Variants in GTF2H4 observed in about 807,000 individuals in gnomAD.
GTF2H4 encodes BTF2 p52.
GTF2H4 carries 49 observed loss-of-function variants against 62.2 expected under a neutral mutation model. That is an observed-to-expected ratio of 0.79 (90% confidence interval 0.63 to 1.00). GTF2H4 has a LOEUF of 1.00. GTF2H4 is among the 50% of genes least tolerant of loss of function. The pLI is 0.00. For synonymous variants in GTF2H4, 189 were observed against 233.8 expected (o/e 0.81, Z 1.75); for missense variants, 479 against 587.8 (o/e 0.81, Z 1.91).
intron 1 of GTF2H4, among the ~76,000 whole-genome samples, chr6:30,908,824 T>A (rs1388808335): frequency 1.3e-5 from 2 of 151,438 alleles, no homozygotes; most frequent in Non-Finnish European, 2.9e-5. Context: ...AAGACTGGAG[T>A]TGAAGGGCAG....
chr6:30,913,981 T>G lies in GTF2H4; in HGVS notation c.1387T>G (p.Ter463GlyextTer38). The change falls in exon 14 of 14, where the codon TGA becomes GGA. Residue 463 changes from the stop codon to glycine, a stop_lost. Coordinates refer to ENST00000259895, the MANE Select transcript of GTF2H4 (RefSeq NM_001517.5). The surrounding 1 kb of genome is among the most constrained non-coding windows in gnomAD (Gnocchi z 4.2). ...RFWKRQKHSS[*>G] Reference sequence around the variant, plus strand: ...TTGGAAGCGGCAGAAACATAGCTCCTGAGAGCGCGGGACTTGGACACGGAC... The same window carrying G: ...TTGGAAGCGGCAGAAACATAGCTCCGGAGAGCGCGGGACTTGGACACGGAC... 1 of 1,583,526 alleles carries G rather than the reference T, an allele frequency of 6.3e-7. No individual in the cohort carries two copies. Among genetic ancestry groups the G allele is most frequent in the Admixed American group, 1.8e-5 (1 of 57,062 alleles).
chr6:30,913,704 G>T lies in GTF2H4; in HGVS notation c.1217-107G>T. 2 of 1,129,166 alleles carry T rather than the reference G, an allele frequency of 1.8e-6. No individual in the cohort carries two copies. Among genetic ancestry groups the T allele is most frequent in the South Asian group, 3.3e-5 (2 of 60,676 alleles). 69.9% of individuals were successfully genotyped at this position (1,129,166 alleles called of 1,614,324 possible). ...TAAAATTGCGGTGGGGGCAAGCCCAGACCGCGTCCAGGGCTGCCACCAAGG... is the reference window on the plus strand; with the variant it reads ...TAAAATTGCGGTGGGGGCAAGCCCATACCGCGTCCAGGGCTGCCACCAAGG... On this transcript the variant is annotated intron_variant, in intron 13 of 13. Coordinates refer to ENST00000259895, the MANE Select transcript of GTF2H4 (RefSeq NM_001517.5). This position sits in a 1 kb window ranked among gnomAD's most constrained non-coding sequence, Gnocchi z 4.2.
In GTF2H4 at chr6:30,914,022, T is replaced by TGGGGGGGGGGGAGG; in HGVS notation, c.*42_*43insGGGGGGGGAGGGGG. ...GGACACGGACCTCGGCGGGCGGGAC[T>TGGGGGGGGGGGAGG]GGGCGGGGCGGGGCATCAGAACTCA... On this transcript the variant is annotated 3_prime_UTR_variant, in exon 14 of 14. Transcript: ENST00000259895. 3 of 698,318 alleles carry TGGGGGGGGGGGAGG rather than the reference T, an allele frequency of 4.3e-6. No homozygotes were observed. Among genetic ancestry groups the TGGGGGGGGGGGAGG allele is most frequent in the Non-Finnish European group, 7.3e-6 (3 of 411,606 alleles). The allele number at this position is 698,318 out of a possible 1,614,324, so 43.3% of individuals were successfully genotyped here.
intron 1 of GTF2H4, 63 bp from the exon 2 acceptor site, chr6:30,908,971 A>G (rs1793652255): frequency 6.3e-7 from 1 of 1,592,636 alleles, no homozygotes; most frequent in Non-Finnish European, 8.6e-7. Flanking sequence ...AATCAGTTAG[A>G]AAGGTCAGGG....
At position 30,909,816 on chromosome 6, in the gene GTF2H4, C is replaced by A; in HGVS notation, c.243-116C>A. The stretch of plus-strand genomic sequence containing the variant: ...TTGTCTTAGGAAGATACTAATTTCA[C>A]TCTGTGGAACAGTGTTCCAAGGGTC... On this transcript the variant is annotated intron_variant, in intron 3 of 13. Coordinates refer to ENST00000259895, the MANE Select transcript of GTF2H4 (RefSeq NM_001517.5). This position sits in a 1 kb window ranked among gnomAD's most constrained non-coding sequence, Gnocchi z 4.3. 1 of 986,462 alleles carries A rather than the reference C, an allele frequency of 1.0e-6. No individual in the cohort carries two copies. 61.1% of individuals were successfully genotyped at this position (986,462 alleles called of 1,614,324 possible). A position where few individuals can be genotyped will look rare whatever the true frequency, so the allele number is the denominator to read the frequency against.
At position 30,911,955 on chromosome 6, in the gene GTF2H4, C is replaced by A; in HGVS notation, c.826-59C>A. ...CTTGGGAGGGATCTGATATTTCAGG[C>A]AGGAAGATGTAAGGCAGTGACTTCT... On this transcript the variant is annotated intron_variant, in intron 9 of 13. Coordinates refer to ENST00000259895, the MANE Select transcript of GTF2H4 (RefSeq NM_001517.5). The surrounding 1 kb of genome is among the most constrained non-coding windows in gnomAD (Gnocchi z 4.3). 4 of 1,586,900 alleles carry A rather than the reference C, an allele frequency of 2.5e-6. No homozygotes were observed. The highest frequency in any genetic ancestry group is 1.1e-5 in the South Asian group (1 of 88,986).
Position 30,909,083 on chromosome 6 carries a change from G to A in GTF2H4, c.47G>A (p.Cys16Tyr). Residue 16 changes from cysteine (C) to tyrosine (Y), a missense_variant, in exon 2 of 14, where the codon TGC (cysteine) becomes TAC (tyrosine). Cys to Tyr is a radical substitution (Grantham distance 194). Transcript: ENST00000259895. The surrounding 1 kb of genome is among the most constrained non-coding windows in gnomAD (Gnocchi z 4.3). ...SRGLNRVHLQ[C>Y]RNLQEFLGGL... ...GGACTGAACCGAGTACACCTACAATGCAGGAATCTGCAGGAATTCTTAGGG... is the reference window on the plus strand; with the variant it reads ...GGACTGAACCGAGTACACCTACAATACAGGAATCTGCAGGAATTCTTAGGG... 6 of 1,614,144 alleles carry A rather than the reference G, an allele frequency of 3.7e-6. No homozygotes were observed. The highest frequency in any genetic ancestry group is 5.1e-6 in the Non-Finnish European group (6 of 1,180,006).
chr6:30,913,841 T>C lies in GTF2H4; in HGVS notation c.1247T>C (p.Val416Ala). 6.2e-7 allele frequency: 1 copy of C among 1,601,932 alleles called. No individual in the cohort carries two copies. ...CTGTATAACCAGTTCCTGTCGCAAG[T>C]GGACTTTGAGCTGCTGCTGGCCCAC... ...GVLYNQFLSQ[V>A]DFELLLAHAR... is the part of the protein sequence containing the mutation. The change falls in exon 14 of 14, where the codon GTG becomes GCG. Residue 416 changes from valine (V) to alanine (A), a missense_variant. Val to Ala is a moderately conservative substitution (Grantham distance 64, BLOSUM62 0). Transcript: ENST00000259895. This position sits in a 1 kb window ranked among gnomAD's most constrained non-coding sequence, Gnocchi z 4.2.
Position 30,912,106 on chromosome 6 carries a change from C to T in GTF2H4, c.918C>T (p.Phe306=). Residue 306 remains phenylalanine, a synonymous_variant, in exon 10 of 14, where the codon TTC becomes TTT. Coordinates refer to ENST00000259895, the MANE Select transcript of GTF2H4 (RefSeq NM_001517.5). The surrounding 1 kb of genome is among the most constrained non-coding windows in gnomAD (Gnocchi z 4.8). The part of the protein sequence containing the change: ...GAGGTVHQPG[F]IVVETNYRLY... ...GGGGCACTGTGCATCAGCCAGGTTT[C>T]ATTGTCGTGGAAACCAATTACCGAC... 1 of 1,612,900 alleles carries T rather than the reference C, an allele frequency of 6.2e-7. No homozygotes were observed. Among genetic ancestry groups the T allele is most frequent in the Non-Finnish European group, 8.5e-7 (1 of 1,179,994 alleles).
chr6:30,913,302 C>G lies in GTF2H4; in HGVS notation c.1138-7C>G. On this transcript the variant is annotated splice_polypyrimidine_tract_variant and splice_region_variant and intron_variant, in intron 12 of 13. Transcript: ENST00000259895. The surrounding 1 kb of genome is among the most constrained non-coding windows in gnomAD (Gnocchi z 4.2). ...GAGTCCCTACAGTCAACCCTTGCTCCTTGCAGACACCTGTGCTGCCCCCCA... is the reference window on the plus strand; with the variant it reads ...GAGTCCCTACAGTCAACCCTTGCTCGTTGCAGACACCTGTGCTGCCCCCCA... 6.2e-7 allele frequency: 1 copy of G among 1,613,910 alleles called. No homozygotes were observed. The highest frequency in any genetic ancestry group is 8.5e-7 in the Non-Finnish European group (1 of 1,179,994).
In GTF2H4 at chr6:30,909,359, T is replaced by G; in HGVS notation, c.138-76T>G. On this transcript the variant is annotated intron_variant, in intron 2 of 13. Transcript: ENST00000259895. This position sits in a 1 kb window ranked among gnomAD's most constrained non-coding sequence, Gnocchi z 4.3. ...TTGTGCTGGAGTGAGATGAGATGTT[T>G]GAGAGGTAATTGAGGGCAGAGATGC... The G allele has an allele frequency of 8.1e-7, 1 of 1,241,692 alleles. No individual in the cohort carries two copies. The highest frequency in any genetic ancestry group is 1.2e-6 in the Non-Finnish European group (1 of 854,130). The allele number at this position is 1,241,692 out of a possible 1,614,324, so 76.9% of individuals were successfully genotyped here.
Position 30,910,632 on chromosome 6 carries a change from G to C in GTF2H4, c.375-33G>C. The C allele has an allele frequency of 6.5e-7, 1 of 1,526,962 alleles. No individual in the cohort carries two copies. Among genetic ancestry groups the C allele is most frequent in the South Asian group, 1.1e-5 (1 of 89,188 alleles). 94.6% of individuals were successfully genotyped at this position (1,526,962 alleles called of 1,614,324 possible). On this transcript the variant is annotated intron_variant, in intron 4 of 13. Coordinates refer to ENST00000259895, the MANE Select transcript of GTF2H4 (RefSeq NM_001517.5). The surrounding 1 kb of genome is among the most constrained non-coding windows in gnomAD (Gnocchi z 4.7). ...AGGTGTGAGCCACTGCGCCTGGCCA[G>C]GGTTCCTTACTCTTGGCCCATCCTG...
rs1793917964 is a variant in GTF2H4 at position 30,913,705 on chromosome 6, ACCGCGTCC to A, written c.1217-105_1217-98del. ...AAAATTGCGGTGGGGGCAAGCCCAG[ACCGCGTCC>A]AGGGCTGCCACCAAGGAGCTGGGGG... is the stretch of plus-strand genomic sequence containing the variant. On this transcript the variant is annotated intron_variant, in intron 13 of 13. Coordinates refer to ENST00000259895, the MANE Select transcript of GTF2H4 (RefSeq NM_001517.5). The surrounding 1 kb of genome is among the most constrained non-coding windows in gnomAD (Gnocchi z 4.2). 24 of 1,126,910 alleles carry A rather than the reference ACCGCGTCC, an allele frequency of 2.1e-5. No homozygotes were observed. Among genetic ancestry groups the A allele is most frequent in the Admixed American group, 3.0e-5 (1 of 33,258 alleles). 69.8% of individuals were successfully genotyped at this position (1,126,910 alleles called of 1,614,324 possible). A position where few individuals can be genotyped will look rare whatever the true frequency, so the allele number is the denominator to read the frequency against.
In GTF2H4 at chr6:30,913,004, T is replaced by C. The variant is rs1174190401; in HGVS notation, c.1090-106T>C. 5.4e-6 allele frequency: 6 copies of C among 1,112,312 alleles called. No homozygotes were observed. The highest frequency in any genetic ancestry group is 4.1e-5 in the South Asian group (3 of 72,928). 68.9% of individuals were successfully genotyped at this position (1,112,312 alleles called of 1,614,324 possible). A position where few individuals can be genotyped will look rare whatever the true frequency, so the allele number is the denominator to read the frequency against. On this transcript the variant is annotated intron_variant, in intron 11 of 13. Coordinates refer to ENST00000259895, the MANE Select transcript of GTF2H4 (RefSeq NM_001517.5). This position sits in a 1 kb window ranked among gnomAD's most constrained non-coding sequence, Gnocchi z 4.2. ...TGGGTGGAGTTGATGACAGGAGTTA[T>C]GAGTTTTTAGAATAAGCTGATGTTC...
chr6:30,913,507 G>A lies in GTF2H4; in HGVS notation c.1216+120G>A. The A allele has an allele frequency of 1.7e-6, 2 of 1,184,434 alleles. No homozygotes were observed. Among genetic ancestry groups the A allele is most frequent in the Non-Finnish European group, 2.4e-6 (2 of 842,024 alleles). The allele number at this position is 1,184,434 out of a possible 1,614,324, so 73.4% of individuals were successfully genotyped here. On this transcript the variant is annotated intron_variant, in intron 13 of 13. Coordinates refer to ENST00000259895, the MANE Select transcript of GTF2H4 (RefSeq NM_001517.5). This position sits in a 1 kb window ranked among gnomAD's most constrained non-coding sequence, Gnocchi z 4.2. Reference sequence around the variant, plus strand: ...AGAAAAGCTGGCAAGACAGTTTTTTGTTGTTTTGGGGTGAGTCGGTAGTAA... The same window carrying A: ...AGAAAAGCTGGCAAGACAGTTTTTTATTGTTTTGGGGTGAGTCGGTAGTAA...
Position 30,913,941 on chromosome 6 carries a change from C to A in GTF2H4, c.1347C>A (p.Ser449Arg), listed in dbSNP as rs535304084. The change falls in exon 14 of 14, where the codon AGC becomes AGA. Residue 449 changes from serine to arginine, a missense_variant. Coordinates refer to ENST00000259895, the MANE Select transcript of GTF2H4 (RefSeq NM_001517.5). This position sits in a 1 kb window ranked among gnomAD's most constrained non-coding sequence, Gnocchi z 4.2. ...TGGTGGTGACCCCGGCCGGGCACAG[C>A]GACGTCAAGCGCTTTTGGAAGCGGC... ...RLMVVTPAGH[S>R]DVKRFWKRQK... 1.2e-6 allele frequency: 2 copies of A among 1,605,364 alleles called. No individual in the cohort carries two copies. The highest frequency in any genetic ancestry group is 2.7e-5 in the African/African-American group (2 of 74,564).
intron 1 of GTF2H4, 130 bp downstream of exon 1, chr6:30,908,533 A>C: frequency 5.0e-6 from 1 of 200,668 alleles, no homozygotes; most frequent in South Asian, 7.2e-5. Context: ...GAATGACGTG[A>C]AGTAGACTTG....
chr6:30,913,885 CTCGTGT>C lies in GTF2H4; in HGVS notation c.1295_1300del (p.Val432_Phe433del). On this transcript the variant is annotated inframe_deletion, in exon 14 of 14. Transcript: ENST00000259895. This position sits in a 1 kb window ranked among gnomAD's most constrained non-coding sequence, Gnocchi z 4.2. ...GGCCCACGCGCGGGAGCTGGGCGTG[CTCGTGT>C]TCGAGAACTCGGCCAAGCGGCTCAT... 1 of 1,609,736 alleles carries C rather than the reference CTCGTGT, an allele frequency of 6.2e-7. No individual in the cohort carries two copies. The highest frequency in any genetic ancestry group is 8.5e-7 in the Non-Finnish European group (1 of 1,178,582).
At position 30,912,075 on chromosome 6, in the gene GTF2H4, G is replaced by A; in HGVS notation, c.887G>A (p.Gly296Glu). 1 of 1,612,986 alleles carries A rather than the reference G, an allele frequency of 6.2e-7. No homozygotes were observed. The highest frequency in any genetic ancestry group is 8.5e-7 in the Non-Finnish European group (1 of 1,180,000). Residue 296 changes from glycine to glutamate, a missense_variant, in exon 10 of 14, where the codon GGA becomes GAA. By Grantham distance (98) the Gly-to-Glu change is moderately conservative. Transcript: ENST00000259895. The surrounding 1 kb of genome is among the most constrained non-coding windows in gnomAD (Gnocchi z 4.8). ...LAINLSSGVSGAGGTVHQPGF... is the reference protein window; with the variant it reads ...LAINLSSGVSEAGGTVHQPGF... The stretch of plus-strand genomic sequence containing the variant: ...ATCAATCTCTCATCAGGTGTCTCTG[G>A]AGCTGGGGGCACTGTGCATCAGCCA...
Sources: allele counts gnomAD v4.1 joint callset (sites outside exome capture counted in the v4.1 genomes callset), GRCh38; gene constraint gnomAD v4.1.1; non-coding constraint Gnocchi (gnomAD v3.1); transcripts MANE v1.5; gene names NCBI Gene and HGNC (gene_info 2026-07-23, HGNC 2026-07-21).